ANKHD1: variants seen among roughly 807,000 people sequenced by gnomAD.
The protein encoded by ANKHD1 is ankyrin repeat and KH domain containing 1, also known as ankyrin repeat and KH domain-containing protein 1.
Under a neutral mutation model 230.5 loss-of-function variants are expected in ANKHD1, and 31 were observed. The observed-to-expected ratio is 0.13, with a 90% CI of 0.10 to 0.18. The LOEUF is 0.18. Among genes scored for constraint, ANKHD1 ranks in the 10% least tolerant of loss-of-function variants. The probability of loss-of-function intolerance (pLI) is 1.00; values close to 1 mark genes in which losing one functional copy is unlikely to be tolerated. For synonymous variants in ANKHD1, 1,074 were observed against 1,117.6 expected (o/e 0.96, Z 0.78); for missense variants, 2,256 against 3,071.3 (o/e 0.73, Z 6.27).
At chr5:140,418,342 T>G (rs908517054) in intron 1 of ANKHD1, among the ~76,000 whole-genome samples, 28 of 151,862 alleles carry the variant, frequency 1.8e-4, no homozygotes, top group Non-Finnish European at 1.2e-4. Flanking sequence ...GAGTCAGGGT[T>G]TTGTCATGTT....
chr5:140,524,539 G>A (rs990851221), intron 25 of ANKHD1, among the ~76,000 whole-genome samples: 7 of 151,990 alleles, frequency 4.6e-5, no homozygotes, highest in African/African-American at 1.7e-4. Flanking sequence ...CTTTTTTTGA[G>A]ATTCTTCTCT....
At chr5:140,448,752 G>C (rs1269249112) in intron 6 of ANKHD1, among the ~76,000 whole-genome samples, 1 of 151,962 alleles carries the variant, frequency 6.6e-6, no homozygotes, top group African/African-American at 2.4e-5. Flanking sequence ...GACTATCAAG[G>C]CTTTTTATAT....
At chr5:140,406,485 A>G (rs1033496085) in intron 1 of ANKHD1, among the ~76,000 whole-genome samples, 1 of 152,140 alleles carries the variant, frequency 6.6e-6, no homozygotes, top group African/African-American at 2.4e-5. Context: ...AGAGCTGAGA[A>G]AAAACAAGCT....
chr5:140,526,799 C>G, intron 26 of ANKHD1, 129 bp from the exon 27 acceptor site: 1 of 1,292,714 alleles, frequency 7.7e-7, no homozygotes, highest in South Asian at 2.0e-5. Flanking sequence ...TTTTCTGACT[C>G]ATTGATTATT....
chr5:140,496,979 T>C lies in ANKHD1; in HGVS notation c.2705T>C (p.Ile902Thr). 6.2e-7 allele frequency: 1 copy of C among 1,614,190 alleles called. No homozygotes were observed. The highest frequency in any genetic ancestry group is 8.5e-7 in the Non-Finnish European group (1 of 1,180,034). The change falls in exon 15 of 34, where the codon ATC becomes ACC. Residue 902 changes from isoleucine (I) to threonine (T), a missense_variant. Around this residue, in one of 13 missense-constraint regions of ANKHD1, gnomAD observed 358 missense variants for 397.7 expected, o/e 0.90. Transcript: ENST00000360839. ...HFSELPQVDT[I>T]LFKDNDVDDE... ...TCAGAGTTACCTCAGGTTGACACAA[T>C]CTTATTTAAAGATAATGATGTTGAT... is the stretch of plus-strand genomic sequence containing the variant.
At chr5:140,459,482 G>C (rs1775545918) in intron 9 of ANKHD1, 127 bp downstream of exon 9, 4 of 1,213,814 alleles carry the variant, frequency 3.3e-6, no homozygotes, top group Non-Finnish European at 3.2e-6. Flanking sequence ...TGGGCATGAG[G>C]GTGGGAGGAG....
rs190248228 is a variant in ANKHD1 at position 140,422,641 on chromosome 5, C to G, written c.307-13463C>G. 3.4e-3 allele frequency among the ~76,000 whole-genome samples: 512 copies of G among 151,248 alleles called. 3 individuals carry two copies. The highest frequency in any genetic ancestry group is 4.3e-3 in the Non-Finnish European group (289 of 67,846). On this transcript the variant is annotated intron_variant, in intron 1 of 33. Coordinates refer to ENST00000360839, the MANE Select transcript of ANKHD1 (RefSeq NM_017747.3). Reference sequence around the variant, plus strand: ...TGATCAACATGGTGAAACCCCGTCTCTACTAAAAATACAAAAAATTTAGCA... The same window carrying G: ...TGATCAACATGGTGAAACCCCGTCTGTACTAAAAATACAAAAAATTTAGCA...
Position 140,485,199 on chromosome 5 carries a change from T to C in ANKHD1, c.1949T>C (p.Val650Ala). 1 of 1,613,936 alleles carries C rather than the reference T, an allele frequency of 6.2e-7. No homozygotes were observed. Among genetic ancestry groups the C allele is most frequent in the Non-Finnish European group, 8.5e-7 (1 of 1,179,902 alleles). The part of the protein sequence containing the change: ...SLACAGGHLA[V>A]VELLLAHGAD... ...GCATGTGCAGGAGGCCACCTGGCAGTTGTTGAGCTTCTCTTGGCTCATGGG... is the reference window on the plus strand; with the variant it reads ...GCATGTGCAGGAGGCCACCTGGCAGCTGTTGAGCTTCTCTTGGCTCATGGG... The change falls in exon 12 of 34, where the codon GTT becomes GCT. Residue 650 changes from valine (V) to alanine (A), a missense_variant. Transcript: ENST00000360839. The surrounding 1 kb of genome is among the most constrained non-coding windows in gnomAD (Gnocchi z 4.8).
intron 10 of ANKHD1, among the ~76,000 whole-genome samples, chr5:140,477,598 A>G (rs191908089): frequency 8.2e-4 from 125 of 152,212 alleles, no homozygotes; most frequent in Admixed American, 2.0e-3. Flanking sequence ...ATACATTTAG[A>G]AATTGAAGGA....
chr5:140,406,254 A>AT (rs1770434803), intron 1 of ANKHD1, among the ~76,000 whole-genome samples: 1 of 151,696 alleles, frequency 6.6e-6, no homozygotes. Flanking sequence ...AAAAAAAAAT[A>AT]AATTATTTTA....
At chr5:140,513,055 C>A in intron 23 of ANKHD1, 132 bp downstream of exon 23, 1 of 876,966 alleles carries the variant, frequency 1.1e-6, no homozygotes, top group South Asian at 1.9e-5. Context: ...TTTGTTTCTC[C>A]ATTTGCAAAA....
intron 6 of ANKHD1, among the ~76,000 whole-genome samples, chr5:140,448,546 A>G (rs894316721): frequency 6.6e-6 from 1 of 152,174 alleles, no homozygotes; most frequent in African/African-American, 2.4e-5. Flanking sequence ...ACCCTCACCA[A>G]TACTGGGTTT....
At chr5:140,434,447 T>C (rs1243059028) in intron 1 of ANKHD1, among the ~76,000 whole-genome samples, 1 of 149,814 alleles carries the variant, frequency 6.7e-6, no homozygotes, top group African/African-American at 2.4e-5. Flanking sequence ...TTATACAAAT[T>C]ACATATATGC....
intron 24 of ANKHD1, among the ~76,000 whole-genome samples, chr5:140,519,800 C>T (rs1380561875): frequency 2.6e-5 from 4 of 151,926 alleles, no homozygotes; most frequent in African/African-American, 7.3e-5. Context: ...AAGACTTAAA[C>T]GTTAGACCTA....
In ANKHD1 at chr5:140,436,004, ATT is replaced by A. The variant is rs976505358; in HGVS notation, c.307-98_307-97del. The stretch of plus-strand genomic sequence containing the variant: ...TTTCTATAATAATTTTTCTGCTTAT[ATT>A]TAAGTTCTAATTAAGAAGTCATATT... On this transcript the variant is annotated intron_variant, in intron 1 of 33. Coordinates refer to ENST00000360839, the MANE Select transcript of ANKHD1 (RefSeq NM_017747.3). The A allele has an allele frequency of 1.7e-5, 22 of 1,326,530 alleles. No individual in the cohort carries two copies. In the African/African-American group the frequency reaches 3.2e-4, roughly 19 times the overall value. The allele number at this position is 1,326,530 out of a possible 1,614,324, so 82.2% of individuals were successfully genotyped here. A position where few individuals can be genotyped will look rare whatever the true frequency, so the allele number is the denominator to read the frequency against.
At chr5:140,440,961 TAAC>T (rs761318568) in intron 4 of ANKHD1, 31 bp from the exon 5 acceptor site, 3 of 1,514,672 alleles carry the variant, frequency 2.0e-6, no homozygotes, top group Non-Finnish European at 2.6e-6. Flanking sequence ...TAGTAAGAAT[TAAC>T]AATTTCTCTG....
chr5:140,458,211 T>A (rs1484714228), intron 7 of ANKHD1, among the ~76,000 whole-genome samples: 7 of 152,202 alleles, frequency 4.6e-5, no homozygotes, highest in Non-Finnish European at 8.8e-5. Context: ...GTTTCTACAT[T>A]TGAATATGAC....
At chr5:140,464,182 A>G (rs951221613) in intron 9 of ANKHD1, among the ~76,000 whole-genome samples, 8 of 151,064 alleles carry the variant, frequency 5.3e-5, no homozygotes, top group Non-Finnish European at 1.2e-4. Flanking sequence ...GTTGCAGCTG[A>G]GTCATGCCAC....
chr5:140,508,005 AT>A lies in ANKHD1; in HGVS notation c.3765+13del, dbSNP rs757406449. ...TGTTGAACATAGGGCAAAGGTAAGC[AT>A]TTTTTACTTGTCAACTATTTCAGAT... On this transcript the variant is annotated splice_region_variant and intron_variant, in intron 20 of 33. Coordinates refer to ENST00000360839, the MANE Select transcript of ANKHD1 (RefSeq NM_017747.3). 17 of 1,603,638 alleles carry A rather than the reference AT, an allele frequency of 1.1e-5. No individual in the cohort carries two copies. In the South Asian group the frequency reaches 1.9e-4, roughly 18 times the overall value.
Sources: gnomAD v4.1 joint callset for allele counts (sites outside exome capture counted in the v4.1 genomes callset) on GRCh38, gnomAD v4.1.1 for gene constraint, gnomAD v4.1.1 regional missense constraint, Gnocchi (gnomAD v3.1) non-coding constraint, MANE v1.5 for transcripts, NCBI Gene and HGNC (gene_info 2026-07-23, HGNC 2026-07-21) for gene names.